The following TBX18 variants were observed in gnomAD, a reference collection of about 807,000 sequenced individuals.
TBX18 encodes the protein T-box transcription factor 18.
TBX18 carries 21 observed loss-of-function variants against 55.0 expected under a neutral mutation model. The ratio of observed to expected loss-of-function variants is 0.38; its 90% CI spans 0.27 to 0.55. The LOEUF (loss-of-function observed/expected upper bound fraction) is 0.55, where lower values mean the gene tolerates loss of function less well. Among genes scored for constraint, TBX18 ranks in the 20% least tolerant of loss-of-function variants. TBX18 has a pLI of 0.73. For missense variants in TBX18, 840 were observed against 799.6 expected (o/e 1.05, Z -0.61); for synonymous variants, 342 against 326.1 (o/e 1.05, Z -0.53).
At chr6:84,755,264 A>C (rs1294313923) in intron 4 of TBX18, among the ~76,000 whole-genome samples, 1 of 152,224 alleles carries the variant, frequency 6.6e-6, no homozygotes, top group Non-Finnish European at 1.5e-5. Context: ...TTTATAACTT[A>C]TACATGAAGG....
At position 84,751,144 on chromosome 6, in the gene TBX18, C is replaced by T. The variant is rs1041839108; in HGVS notation, c.772-3057G>A. On this transcript the variant is annotated intron_variant, in intron 4 of 7. Transcript: ENST00000369663. Reference sequence around the variant, plus strand: ...TGGAGAAAAGTTACTTTACATTAAACAAACAAAAATAAATGCATAGCTAAT... The same window carrying T: ...TGGAGAAAAGTTACTTTACATTAAATAAACAAAAATAAATGCATAGCTAAT... 2.2e-4 allele frequency among the ~76,000 whole-genome samples: 34 copies of T among 152,108 alleles called. 1 individual carries two copies. The highest frequency in any genetic ancestry group is 8.0e-4 in the African/African-American group (33 of 41,420).
chr6:84,759,330 T>C (rs1173118290), intron 3 of TBX18, among the ~76,000 whole-genome samples: 3 of 152,172 alleles, frequency 2.0e-5, no homozygotes, highest in African/African-American at 7.2e-5. Context: ...CCTTAAATTG[T>C]TGAAGTGATA....
chr6:84,737,045 C>T lies in TBX18; in HGVS notation c.1464G>A (p.Gln488=). 2.5e-6 allele frequency: 4 copies of T among 1,614,140 alleles called. No individual in the cohort carries two copies. Among genetic ancestry groups the T allele is most frequent in the Non-Finnish European group, 3.4e-6 (4 of 1,180,006 alleles). Residue 488 remains glutamine, a synonymous_variant, in exon 8 of 8, where the codon CAG becomes CAA. Transcript: ENST00000369663. ...GGAGCTGGGGGGACATTCCCGAAAT[C>T]TGCATGGATAAGCTGGTCTGTGGGC... ...FSCPQTSLSM[Q]ISGMSPQLQY... is the part of the protein sequence containing the mutation.
intron 4 of TBX18, among the ~76,000 whole-genome samples, chr6:84,753,525 T>C (rs768493735): frequency 5.9e-5 from 9 of 152,070 alleles, no homozygotes; most frequent in Non-Finnish European, 1.2e-4. Flanking sequence ...TCAGTGTTAC[T>C]TCTTTTGGAA....
At chr6:84,760,427 C>A in intron 2 of TBX18, 71 bp from the exon 3 acceptor site, 1 of 960,478 alleles carries the variant, frequency 1.0e-6, no homozygotes. Context: ...CGTGAATAAG[C>A]AAAGAAACCT....
intron 6 of TBX18, 36 bp from the exon 7 acceptor site, chr6:84,738,627 G>T: frequency 6.5e-7 from 1 of 1,532,634 alleles, no homozygotes. Context: ...GTGGACAAAA[G>T]AAGTCTAGTT....
Position 84,734,163 on chromosome 6 carries a change from C to G in TBX18, c.*2522G>C, listed in dbSNP as rs1192538873. 6.6e-6 allele frequency: 1 copy of G among 152,188 alleles called. No homozygotes were observed. Among genetic ancestry groups the G allele is most frequent in the Non-Finnish European group, 1.5e-5 (1 of 68,048 alleles). 9.4% of individuals were successfully genotyped at this position (152,188 alleles called of 1,614,324 possible). ...CAAGCCACTCATTCTTGTAACCTTG[C>G]CTTTCTCCCCTGGACCCAAAACAAA... On this transcript the variant is annotated 3_prime_UTR_variant, in exon 8 of 8. Coordinates refer to ENST00000369663, the MANE Select transcript of TBX18 (RefSeq NM_001080508.3).
At chr6:84,750,747 AAG>A (rs1767325690) in intron 4 of TBX18, among the ~76,000 whole-genome samples, 1 of 151,946 alleles carries the variant, frequency 6.6e-6, no homozygotes, top group Admixed American at 6.6e-5. Context: ...AAACACAAAA[AAG>A]GGTCTCAGCC....
rs1319795076 is a variant in TBX18, at chr6:84,736,752, A to T, written c.1757T>A (p.Phe586Tyr). ...HLLSSGGQQS[F>Y]FDSRTLGSLT... ...GCTTCCTAGGGTCCTAGAGTCAAAG[A>T]AACTCTGCTGACCCCCACTGCTAAG... Residue 586 changes from phenylalanine (F) to tyrosine (Y), a missense_variant, in exon 8 of 8, where the codon TTC (phenylalanine) becomes TAC (tyrosine). Coordinates refer to ENST00000369663, the MANE Select transcript of TBX18 (RefSeq NM_001080508.3). 6.2e-7 allele frequency: 1 copy of T among 1,612,498 alleles called. No individual in the cohort carries two copies. The highest frequency in any genetic ancestry group is 1.1e-5 in the South Asian group (1 of 90,732).
rs145891330 is a variant in TBX18, at chr6:84,737,266, C to A, written c.1243G>T (p.Ala415Ser). The A allele has an allele frequency of 6.2e-7, 1 of 1,608,710 alleles. No individual in the cohort carries two copies. ...GAGCGGGCACAGGCAGAATAGTCAG[C>A]AGGGGCCAGACTACACAGCTGGCTG... ...NTSQLCSLAPADYSACARSGL... is the reference protein window; with the variant it reads ...NTSQLCSLAPSDYSACARSGL... The change falls in exon 8 of 8, where the codon GCT becomes TCT. Residue 415 changes from alanine (A) to serine (S), a missense_variant. Ala to Ser is a moderately conservative substitution (Grantham distance 99, BLOSUM62 1). Transcript: ENST00000369663.
Position 84,744,270 on chromosome 6 carries a change from C to T in TBX18, c.995G>A (p.Gly332Glu), listed in dbSNP as rs187986913. The stretch of plus-strand genomic sequence containing the variant: ...CTTCACTAAGGCCCACCTGTTGCGC[C>T]CGGAGTCTCGGAAGCCTTTAGCAAA... ...NPFAKGFRDS[G>E]RNRMGLEALV... The change falls in exon 6 of 8, where the codon GGG (glycine) becomes GAG (glutamate). Residue 332 changes from glycine (G) to glutamate (E), a missense_variant. Physicochemically the swap from Gly to Glu is moderately conservative, Grantham distance 98 (BLOSUM62 -2). Coordinates refer to ENST00000369663, the MANE Select transcript of TBX18 (RefSeq NM_001080508.3). 6.2e-7 allele frequency: 1 copy of T among 1,612,502 alleles called. No homozygotes were observed. The highest frequency in any genetic ancestry group is 1.3e-5 in the African/African-American group (1 of 74,922).
intron 6 of TBX18, 30 bp downstream of exon 6, chr6:84,744,231 A>G (rs755140554): frequency 6.4e-7 from 1 of 1,574,500 alleles, no homozygotes; most frequent in Non-Finnish European, 8.6e-7. Flanking sequence ...TATATTTATC[A>G]TAACCGGAAT....
At position 84,762,823 on chromosome 6, in the gene TBX18, C is replaced by T. The variant is rs192022520; in HGVS notation, c.293-75G>A. 2.6e-4 allele frequency: 374 copies of T among 1,420,694 alleles called. No individual in the cohort carries two copies. The African/African-American group carries it at 4.6e-3, about 18-fold the overall frequency. The allele number at this position is 1,420,694 out of a possible 1,614,324, so 88.0% of individuals were successfully genotyped here. On this transcript the variant is annotated intron_variant, in intron 1 of 7. Coordinates refer to ENST00000369663, the MANE Select transcript of TBX18 (RefSeq NM_001080508.3). ...AAGCCAGCCGCGGAGACGGGCCCAC[C>T]TGGTGGCTGAGAAGAGGAAAATGAC...
In TBX18 at chr6:84,735,793, T is replaced by C. The variant is rs142820788; in HGVS notation, c.*892A>G. On this transcript the variant is annotated 3_prime_UTR_variant, in exon 8 of 8. Coordinates refer to ENST00000369663, the MANE Select transcript of TBX18 (RefSeq NM_001080508.3). ...ATAGTATTACTCTTGATTTAAAAGATAGACATTTCTCATTGGAATCAATGA... is the reference window on the plus strand; with the variant it reads ...ATAGTATTACTCTTGATTTAAAAGACAGACATTTCTCATTGGAATCAATGA... 1.2e-3 allele frequency: 177 copies of C among 152,332 alleles called. No homozygotes were observed. Among genetic ancestry groups the C allele is most frequent in the African/African-American group, 3.7e-3 (155 of 41,582 alleles). The allele number at this position is 152,332 out of a possible 1,614,324, so 9.4% of individuals were successfully genotyped here.
rs1010485567 is a variant in TBX18 at position 84,734,466 on chromosome 6, AATT to A, written c.*2216_*2218del. ...AGGGTTTAATAACATATTTTAATAT[AATT>A]TTAAGTACTTTTTAATAAAATACAG... is the stretch of plus-strand genomic sequence containing the variant. On this transcript the variant is annotated 3_prime_UTR_variant, in exon 8 of 8. Coordinates refer to ENST00000369663, the MANE Select transcript of TBX18 (RefSeq NM_001080508.3). 6.6e-6 allele frequency: 1 copy of A among 152,548 alleles called. No homozygotes were observed. Among genetic ancestry groups the A allele is most frequent in the Non-Finnish European group, 1.5e-5 (1 of 68,040 alleles). 9.4% of individuals were successfully genotyped at this position (152,548 alleles called of 1,614,324 possible).
chr6:84,756,848 T>C lies in TBX18; in HGVS notation c.621A>G (p.Lys207=). ...AGTCAGCATTACCTGCCACCATCCA[T>C]TTCGAACTGTGGTAAACATACCTAG... ...KRYRYVYHSS[K]WMVAGNADSP... Residue 207 remains lysine (K), a synonymous_variant, in exon 4 of 8, where the codon AAA becomes AAG. Coordinates refer to ENST00000369663, the MANE Select transcript of TBX18 (RefSeq NM_001080508.3). 1 of 1,614,084 alleles carries C rather than the reference T, an allele frequency of 6.2e-7. No individual in the cohort carries two copies. The highest frequency in any genetic ancestry group is 1.3e-5 in the African/African-American group (1 of 75,030).
At chr6:84,751,238 T>A (rs761997130) in intron 4 of TBX18, among the ~76,000 whole-genome samples, 4 of 152,222 alleles carry the variant, frequency 2.6e-5, no homozygotes, top group Non-Finnish European at 4.4e-5. Context: ...TACTAGTCAA[T>A]GAAAAGCAGG....
intron 4 of TBX18, among the ~76,000 whole-genome samples, chr6:84,750,996 T>C (rs1582076819): frequency 6.6e-6 from 1 of 152,052 alleles, no homozygotes; most frequent in Admixed American, 6.6e-5. Flanking sequence ...CTTCCTCTTC[T>C]CCAAGGTAAG....
chr6:84,741,824 C>A (rs1582067411), intron 6 of TBX18: 1 of 152,230 alleles, frequency 6.6e-6, no homozygotes, highest in African/African-American at 2.4e-5. Context: ...CTCCAAACAA[C>A]CGTGCCCTCC....
Sources: gnomAD v4.1 joint callset for allele counts (sites outside exome capture counted in the v4.1 genomes callset) on GRCh38, gnomAD v4.1.1 for gene constraint, MANE v1.5 for transcripts, NCBI Gene and HGNC (gene_info 2026-07-23, HGNC 2026-07-21) for gene names.